Variants in IQSEC1 observed in about 807,000 individuals in gnomAD.
IQSEC1 encodes the protein IQ motif and Sec7 domain ArfGEF 1, also known as IQ motif and SEC7 domain-containing protein 1.
In IQSEC1, 31 loss-of-function variants were observed where a neutral mutation model predicts 91.0. The ratio of observed to expected loss-of-function variants is 0.34; its 90% confidence interval spans 0.26 to 0.46. IQSEC1 has a LOEUF of 0.46. Ranked by LOEUF, IQSEC1 falls within the 20% of genes least tolerant of loss-of-function variation. IQSEC1 has a pLI of 1.00. For missense variants in IQSEC1, 1,388 were observed against 1,575.6 expected, an observed-to-expected ratio of 0.88 and a Z score of 2.02; for synonymous variants, 699 against 662.6, an observed-to-expected ratio of 1.05 and a Z score of -0.84.
intron 1 of IQSEC1, among the ~76,000 whole-genome samples, chr3:13,241,150 T>A (rs1695015652): frequency 6.6e-6 from 1 of 152,168 alleles, no homozygotes; most frequent in African/African-American, 2.4e-5. Context: ...AGTCCCGCAG[T>A]AAAGAAACCC....
chr3:13,041,028 T>C (rs557139121), intron 1 of IQSEC1, among the ~76,000 whole-genome samples: 2 of 152,166 alleles, frequency 1.3e-5, no homozygotes, highest in East Asian at 3.9e-4. Context: ...AGGGGTCAGA[T>C]CTCGTGGCCA....
chr3:13,064,573 G>C (rs1705173529), intron 1 of IQSEC1, among the ~76,000 whole-genome samples: 1 of 152,256 alleles, frequency 6.6e-6, no homozygotes, highest in Non-Finnish European at 1.5e-5. Context: ...CTGGCACCAT[G>C]AGAGATGCTG....
intron 1 of IQSEC1, among the ~76,000 whole-genome samples, chr3:13,216,023 T>C (rs1482562984): frequency 6.6e-6 from 1 of 152,184 alleles, no homozygotes; most frequent in Non-Finnish European, 1.5e-5. Flanking sequence ...GTGCAGGGGA[T>C]GATGCCCTCA....
At chr3:13,051,988 C>G (rs959160804) in intron 1 of IQSEC1, among the ~76,000 whole-genome samples, 3 of 152,214 alleles carry the variant, frequency 2.0e-5, no homozygotes, top group Non-Finnish European at 4.4e-5. Context: ...GTGCCCCTCC[C>G]CTAGCCTTTT....
intron 1 of IQSEC1, among the ~76,000 whole-genome samples, chr3:13,018,715 C>G (rs936115629): frequency 1.3e-5 from 2 of 152,196 alleles, no homozygotes; most frequent in African/African-American, 2.4e-5. Context: ...TATCCCCACA[C>G]GCATCTCACA....
intron 2 of IQSEC1, among the ~76,000 whole-genome samples, chr3:13,093,817 T>C (rs946751217): frequency 6.6e-6 from 1 of 152,094 alleles, no homozygotes; most frequent in Non-Finnish European, 1.5e-5. Flanking sequence ...CCGCTAGGTC[T>C]CCCCCTGTCC....
intron 1 of IQSEC1, among the ~76,000 whole-genome samples, chr3:13,041,329 G>A (rs559115169): frequency 6.6e-6 from 1 of 152,198 alleles, no homozygotes; most frequent in South Asian, 2.1e-4. Context: ...CTCTCTCGCT[G>A]GCACCCTCCC....
At chr3:13,192,177 T>C (rs920842297) in intron 1 of IQSEC1, among the ~76,000 whole-genome samples, 2 of 151,044 alleles carry the variant, frequency 1.3e-5, no homozygotes, top group African/African-American at 4.9e-5. Context: ...CTACTAAAAA[T>C]ACAAAAAGAA....
intron 2 of IQSEC1, among the ~76,000 whole-genome samples, chr3:13,101,924 C>A (rs9856583): frequency 0.023 from 3,266 of 143,576 alleles, 85 homozygotes; most frequent in African/African-American, 0.062. Context: ...TGCTTTGAAA[C>A]TGACTCTGGC....
intron 1 of IQSEC1, chr3:12,995,100 G>T (rs116458422): frequency 0.028 from 4,240 of 152,382 alleles, 82 homozygotes; most frequent in Middle Eastern, 0.057. Context: ...GGTCTGGAGC[G>T]AGGGCGTCAG....
Position 12,936,114 on chromosome 3 carries a change from G to C in IQSEC1, c.902C>G (p.Pro301Arg), listed in dbSNP as rs1698170377. Reference sequence around the variant, plus strand: ...GTCCCCTGCCTGCGAGAGGGGCAGAGGGGGCGACAGCTCCTCCTCATCGAT... The same window carrying C: ...GTCCCCTGCCTGCGAGAGGGGCAGACGGGGCGACAGCTCCTCCTCATCGAT... ...LYIDEEELSPPLPLSQAGDRP... is the reference protein window; with the variant it reads ...LYIDEEELSPRLPLSQAGDRP... Residue 301 changes from proline to arginine, a missense_variant, in exon 3 of 14, where the codon CCT (proline) becomes CGT (arginine). By Grantham distance (103) the Pro-to-Arg change is moderately radical. Around this residue, in one of 2 missense-constraint regions of IQSEC1, gnomAD observed 1,059 missense variants for 1,317.8 expected, o/e 0.80. Transcript: ENST00000613206. The C allele has an allele frequency of 1.2e-6, 2 of 1,611,554 alleles. No homozygotes were observed. The highest frequency in any genetic ancestry group is 1.1e-5 in the South Asian group (1 of 91,062).
intron 2 of IQSEC1, among the ~76,000 whole-genome samples, chr3:13,158,893 C>T (rs577264404): frequency 1.3e-5 from 2 of 151,834 alleles, no homozygotes; most frequent in East Asian, 1.9e-4. Flanking sequence ...ACCCAGGAGG[C>T]GGAGGTTGCA....
At chr3:13,015,334 G>T (rs1445692377) in intron 1 of IQSEC1, among the ~76,000 whole-genome samples, 1 of 152,206 alleles carries the variant, frequency 6.6e-6, no homozygotes, top group Admixed American at 6.5e-5. Context: ...ACGCGCAGGG[G>T]AGCTAAAGAA....
At chr3:13,257,352 C>T (rs1389855983) in intron 1 of IQSEC1, among the ~76,000 whole-genome samples, 2 of 152,234 alleles carry the variant, frequency 1.3e-5, no homozygotes, top group Non-Finnish European at 2.9e-5. Flanking sequence ...CTAGGCAGGA[C>T]GTTCCCAAGG....
At chr3:13,158,228 C>T (rs1707114721) in intron 2 of IQSEC1, among the ~76,000 whole-genome samples, 2 of 152,198 alleles carry the variant, frequency 1.3e-5, no homozygotes, top group African/African-American at 4.8e-5. Flanking sequence ...AGCCCCAGCC[C>T]GTCTCTCACA....
rs1036029446 is a variant in IQSEC1 at position 12,918,498 on chromosome 3, C to T, written c.2020+1932G>A. The stretch of plus-strand genomic sequence containing the variant: ...GTCTCATCCAGCATATCCCAGATGA[C>T]GTGCAGGAGGTTCTAAAGTAAGAAA... On this transcript the variant is annotated intron_variant, in intron 6 of 13. Transcript: ENST00000613206. Among the ~76,000 whole-genome samples, 13 of 152,088 alleles carry T rather than the reference C, an allele frequency of 8.5e-5. No individual in the cohort carries two copies. The East Asian group carries it at 1.7e-3, about 20-fold the overall frequency.
chr3:13,234,846 T>C (rs2125094297), intron 1 of IQSEC1, among the ~76,000 whole-genome samples: 1 of 152,308 alleles, frequency 6.6e-6, no homozygotes. Flanking sequence ...CCTGTGTTTC[T>C]CCCCGCATGA....
At chr3:13,146,701 G>C (rs752981853) in intron 2 of IQSEC1, among the ~76,000 whole-genome samples, 11 of 152,298 alleles carry the variant, frequency 7.2e-5, no homozygotes, top group African/African-American at 2.6e-4. Context: ...TTAGCCAGGC[G>C]TGATGGGGGA....
At chr3:13,023,484 C>G (rs1369102389) in intron 1 of IQSEC1, among the ~76,000 whole-genome samples, 3 of 152,176 alleles carry the variant, frequency 2.0e-5, no homozygotes, top group Non-Finnish European at 2.9e-5. Context: ...CACCTGGCAC[C>G]CAGCAGGGCC....
Sources: gnomAD v4.1 joint callset for allele counts (sites outside exome capture counted in the v4.1 genomes callset) on GRCh38, gnomAD v4.1.1 for gene constraint, gnomAD v4.1.1 regional missense constraint, MANE v1.5 for transcripts, NCBI Gene and HGNC (gene_info 2026-07-23, HGNC 2026-07-21) for gene names.